The following JAML variants were observed in gnomAD, a reference collection of about 807,000 sequenced individuals.
The protein encoded by JAML is junctional adhesion molecule-like.
A neutral mutation model predicts 39.3 loss-of-function variants in JAML; 25 were observed. The observed-to-expected ratio is 0.64, with a 90% CI of 0.46 to 0.89. The LOEUF is 0.89. Among genes scored for constraint, JAML ranks in the 40% least tolerant of loss-of-function variants. The pLI, the probability that JAML is intolerant of heterozygous loss-of-function variation, is 0.00. For synonymous variants in JAML, 162 were observed against 179.2 expected (o/e 0.90, Z 0.77); for missense variants, 440 against 486.9 (o/e 0.90, Z 0.91).
At chr11:118,206,171 G>A (rs532813170) in intron 4 of JAML, among the ~76,000 whole-genome samples, 180 bp from the exon 5 acceptor site, 7 of 152,216 alleles carry the variant, frequency 4.6e-5, no homozygotes, top group Admixed American at 2.0e-4. Flanking sequence ...ATGATTCCAC[G>A]TGGGCAAAGT....
chr11:118,204,950 A>G (rs1948887352), intron 5 of JAML: 1 of 152,170 alleles, frequency 6.6e-6, no homozygotes, highest in South Asian at 2.1e-4. Flanking sequence ...CTGGCCCCTA[A>G]CATTTTGTCT....
intron 5 of JAML, 156 bp downstream of exon 5, chr11:118,205,726 C>T: frequency 7.9e-6 from 5 of 630,438 alleles, no homozygotes; most frequent in Non-Finnish European, 1.1e-5. Context: ...AGTTATCTTT[C>T]CCACCAGAAA....
intron 2 of JAML, chr11:118,213,199 A>G: frequency 7.4e-7 from 1 of 1,348,682 alleles, no homozygotes; most frequent in Non-Finnish European, 9.5e-7. Context: ...CCTGCCCATT[A>G]TCTCTATGTT....
At chr11:118,220,288 C>G (rs954250404) in intron 1 of JAML, among the ~76,000 whole-genome samples, 3 of 152,214 alleles carry the variant, frequency 2.0e-5, no homozygotes, top group Non-Finnish European at 4.4e-5. Flanking sequence ...GCAGAGAAGT[C>G]TTTCTGATAG....
intron 5 of JAML, chr11:118,204,036 C>T (rs903621016): frequency 4.6e-5 from 11 of 238,092 alleles, no homozygotes; most frequent in African/African-American, 2.2e-4. Flanking sequence ...CTTCATCTTT[C>T]CCCCAAACCA....
chr11:118,214,724 C>A (rs914505368), intron 2 of JAML, 100 bp downstream of exon 2: 1 of 1,304,902 alleles, frequency 7.7e-7, no homozygotes, highest in South Asian at 1.2e-5. Flanking sequence ...CCATCTTCAA[C>A]AAACCCAAGG....
At chr11:118,221,321 G>T (rs150121860) in intron 1 of JAML, among the ~76,000 whole-genome samples, 1 of 152,004 alleles carries the variant, frequency 6.6e-6, no homozygotes, top group Non-Finnish European at 1.5e-5. Flanking sequence ...TAGTTCACTG[G>T]TCCCCAATCT....
In JAML at chr11:118,200,562, A is replaced by G. The variant is rs1292230356; in HGVS notation, c.823T>C (p.Leu275=). Residue 275 remains leucine, a synonymous_variant, in exon 7 of 10, where the codon TTG becomes CTG. Transcript: ENST00000356289. ...LRPLVLGGNQ[L]VIIVGIVCAT... ...CAGACAATTCCCACAATGATCACCA[A>G]CTGATTACCACCCAAGACCAGAGGC... 2 of 1,613,998 alleles carry G rather than the reference A, an allele frequency of 1.2e-6. No homozygotes were observed. Among genetic ancestry groups the G allele is most frequent in the Non-Finnish European group, 1.7e-6 (2 of 1,180,018 alleles).
At chr11:118,223,287 C>T (rs1241342018) in intron 1 of JAML, among the ~76,000 whole-genome samples, 2 of 151,962 alleles carry the variant, frequency 1.3e-5, no homozygotes, top group African/African-American at 4.8e-5. Context: ...GGGCCAGAAT[C>T]CGGGCCCATG....
chr11:118,204,579 C>T lies in JAML; in HGVS notation c.535-914G>A, dbSNP rs572331956. 2.6e-5 allele frequency: 4 copies of T among 152,216 alleles called. No individual in the cohort carries two copies. In the South Asian group the frequency reaches 8.3e-4, roughly 32 times the overall value. 9.4% of individuals were successfully genotyped at this position (152,216 alleles called of 1,614,324 possible). A position where few individuals can be genotyped will look rare whatever the true frequency, so the allele number is the denominator to read the frequency against. On this transcript the variant is annotated intron_variant, in intron 5 of 9. Coordinates refer to ENST00000356289, the MANE Select transcript of JAML (RefSeq NM_001098526.2). Reference sequence around the variant, plus strand: ...TTGCACTTGCTACTGTCTATGACTGCAAGAACACTCTTCCCCCTACACATA... The same window carrying T: ...TTGCACTTGCTACTGTCTATGACTGTAAGAACACTCTTCCCCCTACACATA...
chr11:118,206,651 T>C (rs1173627910), intron 4 of JAML, among the ~76,000 whole-genome samples: 3 of 152,150 alleles, frequency 2.0e-5, no homozygotes, highest in African/African-American at 7.2e-5. Flanking sequence ...GCTTTCTCCT[T>C]GACTTTTCTT....
intron 1 of JAML, among the ~76,000 whole-genome samples, chr11:118,218,514 A>G (rs1949172463): frequency 6.6e-6 from 1 of 152,304 alleles, no homozygotes; most frequent in Admixed American, 6.5e-5. Context: ...CCCCAAGACT[A>G]TAAGCTCCAT....
chr11:118,217,941 T>G (rs936044574), intron 1 of JAML, among the ~76,000 whole-genome samples: 1 of 152,256 alleles, frequency 6.6e-6, no homozygotes, highest in African/African-American at 2.4e-5. Context: ...ACAAGATTAA[T>G]CTGTTCCTCC....
At chr11:118,209,316 C>G (rs1410388064) in intron 4 of JAML, 1 of 162,162 alleles carries the variant, frequency 6.2e-6, no homozygotes, top group Admixed American at 6.4e-5. Flanking sequence ...ACCTGGCAGC[C>G]CAATGAATAC....
At chr11:118,198,912 C>G (rs904435442) in intron 7 of JAML, among the ~76,000 whole-genome samples, 1 of 152,224 alleles carries the variant, frequency 6.6e-6, no homozygotes, top group African/African-American at 2.4e-5. Context: ...CATTTTACAA[C>G]TGTCCTTCCA....
At chr11:118,213,782 T>C (rs1156948256) in intron 2 of JAML, among the ~76,000 whole-genome samples, 1 of 152,200 alleles carries the variant, frequency 6.6e-6, no homozygotes, top group Non-Finnish European at 1.5e-5. Context: ...AAACCCCCAG[T>C]GCCACCAAGT....
At chr11:118,200,364 C>T in intron 7 of JAML, 110 bp downstream of exon 7, 1 of 1,313,058 alleles carries the variant, frequency 7.6e-7, no homozygotes, top group Non-Finnish European at 1.0e-6. Context: ...AAAAATACCC[C>T]CTTCTGTGAG....
intron 1 of JAML, among the ~76,000 whole-genome samples, chr11:118,216,300 C>T (rs945667179): frequency 6.6e-6 from 1 of 150,646 alleles, no homozygotes; most frequent in Non-Finnish European, 1.5e-5. Context: ...ACCTGGTAGG[C>T]GGAGCTTGCA....
Position 118,194,278 on chromosome 11 carries a change from GGA to G in JAML, c.*45_*46del. ...GGTAGAGTGGCCCAGGACACACACA[GGA>G]GAGAGTCTCCACCGCTGCTGAGATG... is the stretch of plus-strand genomic sequence containing the variant. On this transcript the variant is annotated 3_prime_UTR_variant, in exon 10 of 10. Transcript: ENST00000356289. 6 of 1,517,182 alleles carry G rather than the reference GGA, an allele frequency of 4.0e-6. No individual in the cohort carries two copies. Among genetic ancestry groups the G allele is most frequent in the Non-Finnish European group, 5.5e-6 (6 of 1,092,310 alleles). The allele number at this position is 1,517,182 out of a possible 1,614,324, so 94.0% of individuals were successfully genotyped here.
Sources: allele counts gnomAD v4.1 joint callset (sites outside exome capture counted in the v4.1 genomes callset), GRCh38; gene constraint gnomAD v4.1.1; transcripts MANE v1.5; gene names NCBI Gene and HGNC (gene_info 2026-07-23, HGNC 2026-07-21).